FIP1L1: variants seen among roughly 807,000 people sequenced by gnomAD.
FIP1L1 encodes factor interacting with PAPOLA and CPSF1, also known as pre-mRNA 3'-end-processing factor FIP1.
Under a neutral mutation model 84.6 loss-of-function variants are expected in FIP1L1, and 21 were observed. The ratio of observed to expected loss-of-function variants is 0.25; its 90% CI spans 0.18 to 0.36. The LOEUF (loss-of-function observed/expected upper bound fraction) is 0.36, where lower values mean the gene tolerates loss of function less well. Among genes scored for constraint, FIP1L1 ranks in the 10% least tolerant of loss-of-function variants. FIP1L1 has a pLI of 1.00. For missense variants in FIP1L1, 526 were observed against 751.1 expected, an observed-to-expected ratio of 0.70 and a Z score of 3.50; for synonymous variants, 263 against 242.3, an observed-to-expected ratio of 1.09 and a Z score of -0.80.
chr4:53,412,987 T>C (rs1757857169), intron 10 of FIP1L1, among the ~76,000 whole-genome samples: 1 of 152,174 alleles, frequency 6.6e-6, no homozygotes, highest in South Asian at 2.1e-4. Context: ...GACTCATAAA[T>C]TCTTATTTTA....
intron 10 of FIP1L1, among the ~76,000 whole-genome samples, chr4:53,407,763 T>G (rs1322440165): frequency 6.6e-6 from 1 of 152,230 alleles, no homozygotes; most frequent in East Asian, 1.9e-4. Flanking sequence ...CTTCTTTGTC[T>G]CTTTTGATCT....
intron 7 of FIP1L1, 72 bp downstream of exon 7, chr4:53,390,700 C>A: frequency 1.1e-6 from 1 of 905,758 alleles, no homozygotes. Flanking sequence ...TTTTGAACAT[C>A]AATTTAGAAT....
chr4:53,444,349 A>G (rs1316152183), intron 15 of FIP1L1, among the ~76,000 whole-genome samples: 1 of 152,192 alleles, frequency 6.6e-6, no homozygotes, highest in Admixed American at 6.6e-5. Flanking sequence ...TGCCTTTTCT[A>G]AAAGGATTTA....
intron 15 of FIP1L1, among the ~76,000 whole-genome samples, chr4:53,447,206 T>C (rs1774581679): frequency 6.6e-6 from 1 of 152,108 alleles, no homozygotes; most frequent in African/African-American, 2.4e-5. Flanking sequence ...ATAACTTACA[T>C]ACCATCTGTT....
chr4:53,451,404 C>T (rs1318807977), intron 15 of FIP1L1, among the ~76,000 whole-genome samples: 1 of 150,252 alleles, frequency 6.7e-6, no homozygotes, highest in African/African-American at 2.4e-5. Context: ...AATCAACAAT[C>T]TTTGTTTTGT....
chr4:53,378,214 AT>A, intron 1 of FIP1L1: 1 of 329,908 alleles, frequency 3.0e-6, no homozygotes, highest in Non-Finnish European at 5.5e-6. Context: ...AGGCGTCTCG[AT>A]CGCCTAGCTG....
chr4:53,393,783 C>G (rs1578238371), intron 9 of FIP1L1, among the ~76,000 whole-genome samples: 1 of 116,056 alleles, frequency 8.6e-6, no homozygotes, highest in Non-Finnish European at 1.8e-5. Flanking sequence ...CCCCCCCCCG[C>G]CCCCGGCTGT....
chr4:53,398,726 A>C (rs1748701163), intron 9 of FIP1L1, among the ~76,000 whole-genome samples: 1 of 152,260 alleles, frequency 6.6e-6, no homozygotes, highest in Non-Finnish European at 1.5e-5. Flanking sequence ...GCAGAAGAGC[A>C]TAAAGAAGTC....
At chr4:53,412,053 T>C (rs2149720335) in intron 10 of FIP1L1, among the ~76,000 whole-genome samples, 1 of 152,206 alleles carries the variant, frequency 6.6e-6, no homozygotes, top group African/African-American at 2.4e-5. Context: ...AAGTTTTATT[T>C]TGAAAAAAAT....
At chr4:53,384,586 G>T (rs1739901817) in intron 5 of FIP1L1, among the ~76,000 whole-genome samples, 1 of 152,040 alleles carries the variant, frequency 6.6e-6, no homozygotes, top group Non-Finnish European at 1.5e-5. Flanking sequence ...GTTCTTAATA[G>T]TGTTTTCAGG....
At chr4:53,428,774 G>C (rs149465754) in intron 13 of FIP1L1, among the ~76,000 whole-genome samples, 1 of 152,122 alleles carries the variant, frequency 6.6e-6, no homozygotes, top group Non-Finnish European at 1.5e-5. Flanking sequence ...ATTTTTATTT[G>C]AATTTTTCAT....
intron 11 of FIP1L1, among the ~76,000 whole-genome samples, chr4:53,417,782 CTCTCTCTCTCTCT>C (rs1760434083): frequency 1.8e-5 from 1 of 54,954 alleles, no homozygotes; most frequent in Non-Finnish European, 3.8e-5. Flanking sequence ...CTCTCTCTCT[CTCTCTCTCTCTCT>C]CTCTCTCTCT....
chr4:53,401,798 C>T (rs540853481), intron 10 of FIP1L1, among the ~76,000 whole-genome samples: 1 of 152,204 alleles, frequency 6.6e-6, no homozygotes, highest in East Asian at 1.9e-4. Flanking sequence ...GCCTATTGGA[C>T]GTGCAAGTGG....
In FIP1L1 at chr4:53,409,926, T is replaced by C. The variant is rs573741541; in HGVS notation, c.816-4689T>C. 3.9e-5 allele frequency among the ~76,000 whole-genome samples: 6 copies of C among 152,370 alleles called. No individual in the cohort carries two copies. In the South Asian group the frequency reaches 1.0e-3, roughly 26 times the overall value. ...TCTTTGACTAGGAAAGGGAACTCCC[T>C]GACCCCTTGCGCTTCCTGAGTGAGG... On this transcript the variant is annotated intron_variant, in intron 10 of 17. Coordinates refer to ENST00000337488, the MANE Select transcript of FIP1L1 (RefSeq NM_030917.4).
chr4:53,415,098 AC>A (rs1758896649), intron 11 of FIP1L1, among the ~76,000 whole-genome samples: 1 of 152,094 alleles, frequency 6.6e-6, no homozygotes, highest in Non-Finnish European at 1.5e-5. Flanking sequence ...AGTATTTAGG[AC>A]CCGTAAAATT....
chr4:53,409,695 C>G (rs912863271), intron 10 of FIP1L1, among the ~76,000 whole-genome samples: 1 of 152,232 alleles, frequency 6.6e-6, no homozygotes, highest in Admixed American at 6.5e-5. Flanking sequence ...TGGGCAATGG[C>G]GGGCGCCCCT....
intron 12 of FIP1L1, 102 bp from the exon 13 acceptor site, chr4:53,427,925 C>T (rs1765003831): frequency 9.8e-7 from 1 of 1,017,148 alleles, no homozygotes; most frequent in African/African-American, 1.6e-5. Context: ...GTGAATTAAA[C>T]TACCTTTTAC....
At chr4:53,439,048 A>G (rs1208777523) in intron 13 of FIP1L1, among the ~76,000 whole-genome samples, 1 of 152,174 alleles carries the variant, frequency 6.6e-6, no homozygotes, top group Non-Finnish European at 1.5e-5. Flanking sequence ...GTATTTACTT[A>G]TGAAAACTAG....
At chr4:53,387,128 G>A (rs989744623) in intron 5 of FIP1L1, among the ~76,000 whole-genome samples, 1 of 152,212 alleles carries the variant, frequency 6.6e-6, no homozygotes, top group Non-Finnish European at 1.5e-5. Context: ...GGCAGCAGTA[G>A]TAGAGAGATG....
Sources: allele counts gnomAD v4.1 joint callset (sites outside exome capture counted in the v4.1 genomes callset), GRCh38; gene constraint gnomAD v4.1.1; transcripts MANE v1.5; gene names NCBI Gene and HGNC (gene_info 2026-07-23, HGNC 2026-07-21).